The following HDAC8 variants were observed in gnomAD, a reference collection of about 807,000 sequenced individuals.
HDAC8 encodes histone deacetylase 8, also known as histone deacetylase-like 1.
In HDAC8, 1 loss-of-function variant was observed where a neutral mutation model predicts 32.2. The observed-to-expected ratio is 0.03, with a 90% CI of 0.01 to 0.15. The LOEUF (loss-of-function observed/expected upper bound fraction) is 0.15. Among genes scored for constraint, HDAC8 ranks in the 10% least tolerant of loss-of-function variants. The pLI is 1.00. For missense variants in HDAC8, 117 were observed against 300.0 expected (o/e 0.39, Z 4.51); for synonymous variants, 108 against 113.9 (o/e 0.95, Z 0.33).
In HDAC8 at chrX:72,377,354, C is replaced by T. The variant is rs181172587; in HGVS notation, c.1006-25516G>A. Among the ~76,000 whole-genome samples, 116 of 111,923 alleles carry T rather than the reference C, an allele frequency of 1.0e-3. 1 individual carries two copies. The highest frequency in any genetic ancestry group is 4.6e-3 in the Middle Eastern group (1 of 217). ...TACTGAGACTTCTTTTGTGATTTAA[C>T]TTATGTTCTGTCCTAGAAAATGTTC... On this transcript the variant is annotated intron_variant, in intron 9 of 10. Transcript: ENST00000373573.
intron 9 of HDAC8, among the ~76,000 whole-genome samples, chrX:72,442,122 T>C (rs1472018058): frequency 3.6e-5 from 4 of 110,592 alleles, no homozygotes; most frequent in Non-Finnish European, 7.6e-5. Context: ...CAGGATATTA[T>C]CCAGGAGAAC....
chrX:72,532,342 C>T (rs781916180), intron 4 of HDAC8, among the ~76,000 whole-genome samples: 1 of 105,272 alleles, frequency 9.5e-6, no homozygotes, highest in African/African-American at 3.5e-5. Flanking sequence ...AATCCTCCCA[C>T]CTTGTCCTCC....
Position 72,442,727 on chromosome X carries a change from A to G in HDAC8, c.1005+19277T>C, listed in dbSNP as rs1490635601. ...AAATGGACTCAATGCTCCAATTAAA[A>G]GACACAGACTGGCAAATTGGATAAA... is the stretch of plus-strand genomic sequence containing the variant. On this transcript the variant is annotated intron_variant, in intron 9 of 10. Coordinates refer to ENST00000373573, the MANE Select transcript of HDAC8 (RefSeq NM_018486.3). Among the ~76,000 whole-genome samples, 3 of 112,337 alleles carry G rather than the reference A, an allele frequency of 2.7e-5. No individual in the cohort carries two copies. The East Asian group carries it at 8.4e-4, about 31-fold the overall frequency.
At chrX:72,431,071 T>C (rs2046801977) in intron 9 of HDAC8, among the ~76,000 whole-genome samples, 1 of 111,283 alleles carries the variant, frequency 9.0e-6, no homozygotes, top group Admixed American at 9.6e-5. Context: ...AATCCCCTGA[T>C]CCCTGCCTTC....
chrX:72,356,663 C>G (rs1173833589), intron 9 of HDAC8, among the ~76,000 whole-genome samples: 1 of 110,779 alleles, frequency 9.0e-6, no homozygotes, highest in African/African-American at 3.3e-5. Flanking sequence ...CAGCTTCCAC[C>G]TCCCCTCCCG....
chrX:72,569,181 C>T (rs1350591488), intron 2 of HDAC8, among the ~76,000 whole-genome samples: 1 of 112,439 alleles, frequency 8.9e-6, no homozygotes, highest in African/African-American at 3.2e-5. Flanking sequence ...ATCAGACAGA[C>T]TTTACCCTGT....
At chrX:72,468,110 C>T in intron 7 of HDAC8, 1 of 944,552 alleles carries the variant, frequency 1.1e-6, no homozygotes, top group Non-Finnish European at 1.4e-6. Context: ...GGGCAGCTTA[C>T]AGAGGGCTGG....
chrX:72,567,775 T>C (rs2051852173), intron 4 of HDAC8, 114 bp downstream of exon 4: 1 of 1,209,511 alleles, frequency 8.3e-7, no homozygotes, highest in Non-Finnish European at 1.1e-6. Flanking sequence ...CCTTGTAAAG[T>C]GCCACATACA....
chrX:72,531,108 C>A (rs782493485), intron 4 of HDAC8, among the ~76,000 whole-genome samples: 4 of 111,400 alleles, frequency 3.6e-5, no homozygotes, highest in Non-Finnish European at 7.5e-5. Flanking sequence ...GGTGATGAGG[C>A]TAGAAGGGTA....
At chrX:72,354,731 T>C (rs1555950056) in intron 9 of HDAC8, among the ~76,000 whole-genome samples, 1 of 111,827 alleles carries the variant, frequency 8.9e-6, no homozygotes, top group African/African-American at 3.3e-5. Flanking sequence ...GTTACATGGA[T>C]GAATTATATA....
chrX:72,434,002 C>T (rs1048911785), intron 9 of HDAC8, among the ~76,000 whole-genome samples: 1 of 112,510 alleles, frequency 8.9e-6, no homozygotes, highest in Non-Finnish European at 1.9e-5. Context: ...TACAATAATG[C>T]TTTGAGAACT....
At chrX:72,441,877 A>C (rs1448832707) in intron 9 of HDAC8, among the ~76,000 whole-genome samples, 1 of 112,268 alleles carries the variant, frequency 8.9e-6, no homozygotes, top group African/African-American at 3.2e-5. Context: ...CTCGAGAACT[A>C]TGTGAAGAAT....
intron 4 of HDAC8, among the ~76,000 whole-genome samples, chrX:72,559,603 G>A (rs1478333038): frequency 1.0e-4 from 11 of 107,320 alleles, no homozygotes; most frequent in African/African-American, 3.4e-4. Flanking sequence ...CTTCCCGGCC[G>A]CCATCCCATC....
intron 10 of HDAC8, among the ~76,000 whole-genome samples, chrX:72,338,217 C>T (rs909318718): frequency 8.9e-6 from 1 of 111,957 alleles, no homozygotes; most frequent in Non-Finnish European, 1.9e-5. Flanking sequence ...TTGGTCATTA[C>T]TCTACTGTTA....
chrX:72,519,929 A>G (rs1173067758), intron 4 of HDAC8, among the ~76,000 whole-genome samples: 1 of 112,441 alleles, frequency 8.9e-6, no homozygotes, highest in East Asian at 2.8e-4. Flanking sequence ...AGTATTTATT[A>G]AAATATTTTG....
intron 9 of HDAC8, among the ~76,000 whole-genome samples, chrX:72,388,595 T>TAC (rs59374504): frequency 0.22 from 19,151 of 88,080 alleles, 1,933 homozygotes; most frequent in Non-Finnish European, 0.25. Context: ...CCACAGTGAT[T>TAC]ACACACACAC....
intron 7 of HDAC8, among the ~76,000 whole-genome samples, chrX:72,465,519 C>T (rs1174029512): frequency 9.1e-6 from 1 of 110,128 alleles, no homozygotes; most frequent in African/African-American, 3.3e-5. Context: ...ATTAATTGAA[C>T]ACTGGCAGTG....
chrX:72,528,501 A>C (rs2050228433), intron 4 of HDAC8, among the ~76,000 whole-genome samples: 1 of 112,103 alleles, frequency 8.9e-6, no homozygotes, highest in African/African-American at 3.2e-5. Context: ...GGGAAAAGTG[A>C]GCTTCCTGTG....
At chrX:72,514,161 T>C (rs1478495571) in intron 4 of HDAC8, among the ~76,000 whole-genome samples, 1 of 112,431 alleles carries the variant, frequency 8.9e-6, no homozygotes, top group Non-Finnish European at 1.9e-5. Context: ...TGTAAGGTCA[T>C]ATTTGAAGTG....
Sources: allele counts gnomAD v4.1 joint callset (sites outside exome capture counted in the v4.1 genomes callset), GRCh38; gene constraint gnomAD v4.1.1; transcripts MANE v1.5; gene names NCBI Gene and HGNC (gene_info 2026-07-23, HGNC 2026-07-21).